The following PITRM1 variants were observed in gnomAD, a reference collection of about 807,000 sequenced individuals.
PITRM1 encodes the protein pitrilysin metallopeptidase 1, also known as presequence protease, mitochondrial.
Under a neutral mutation model 129.9 loss-of-function variants are expected in PITRM1, and 100 were observed. The observed-to-expected ratio is 0.77, with a 90% CI of 0.65 to 0.91. The LOEUF (loss-of-function observed/expected upper bound fraction) is 0.91. Ranked by LOEUF, PITRM1 falls within the 40% of genes least tolerant of loss-of-function variation. The pLI is 0.00. For missense variants in PITRM1, 1,471 were observed against 1,318.3 expected (o/e 1.12, Z -1.79); for synonymous variants, 591 against 508.8 (o/e 1.16, Z -2.17).
chr10:3,143,778 G>A (rs1277539519), intron 22 of PITRM1: 3 of 659,770 alleles, frequency 4.5e-6, no homozygotes, highest in Middle Eastern at 2.4e-4. Flanking sequence ...AACGTATACT[G>A]TTCAATTAAA....
rs900592006 is a variant in PITRM1 at position 3,151,426 on chromosome 10, TCTC to T, written c.1622-66_1622-64del. ...TAATTAAAAGGTTTGATGCAACTTG[TCTC>T]CTATGTTATTATCTTAACATCCAGA... On this transcript the variant is annotated intron_variant, in intron 14 of 26. Transcript: ENST00000224949. 59 of 951,050 alleles carry T rather than the reference TCTC, an allele frequency of 6.2e-5. No individual in the cohort carries two copies. In the African/African-American group the frequency reaches 8.0e-4, roughly 13 times the overall value. The allele number at this position is 951,050 out of a possible 1,614,324, so 58.9% of individuals were successfully genotyped here. A position where few individuals can be genotyped will look rare whatever the true frequency, so the allele number is the denominator to read the frequency against.
chr10:3,153,592 C>G (rs964646915), intron 14 of PITRM1, among the ~76,000 whole-genome samples: 1 of 151,542 alleles, frequency 6.6e-6, no homozygotes, highest in Non-Finnish European at 1.5e-5. Context: ...GCACTCCAGC[C>G]TGGGTGACAA....
intron 26 of PITRM1, 41 bp downstream of exon 26, chr10:3,138,194 G>A (rs1251799400): frequency 6.3e-7 from 1 of 1,581,632 alleles, no homozygotes; most frequent in African/African-American, 1.3e-5. Flanking sequence ...CAGCACGAGG[G>A]CTTCCAGTCC....
intron 6 of PITRM1, among the ~76,000 whole-genome samples, chr10:3,164,773 T>C (rs1470728227): frequency 6.6e-6 from 1 of 152,218 alleles, no homozygotes; most frequent in Non-Finnish European, 1.5e-5. Flanking sequence ...AAAATACTTC[T>C]CATAACAAAG....
At chr10:3,148,854 CA>C (rs1160928059) in intron 16 of PITRM1, 2 of 152,490 alleles carry the variant, frequency 1.3e-5, no homozygotes, top group African/African-American at 2.4e-5. Flanking sequence ...TAAACCGCTA[CA>C]AAAGGATGAA....
Position 3,166,142 on chromosome 10 carries a change from C to G in PITRM1, c.418+87G>C, listed in dbSNP as rs112728675. ...TTCTAGAACATGAATTGCCCACTCC[C>G]CTCATTCCTTCTCAGAAACTAACTG... On this transcript the variant is annotated intron_variant, in intron 4 of 26. Coordinates refer to ENST00000224949, the MANE Select transcript of PITRM1 (RefSeq NM_014889.4). 1,258 of 1,175,520 alleles carry G rather than the reference C, an allele frequency of 1.1e-3. 15 individuals are homozygous for G. In the African/African-American group the frequency reaches 0.018, roughly 16 times the overall value. The allele number at this position is 1,175,520 out of a possible 1,614,324, so 72.8% of individuals were successfully genotyped here. A position where few individuals can be genotyped will look rare whatever the true frequency, so the allele number is the denominator to read the frequency against.
At chr10:3,172,577 G>A (rs1843480807) in intron 1 of PITRM1, 140 bp downstream of exon 1, 3 of 744,318 alleles carry the variant, frequency 4.0e-6, no homozygotes, top group Admixed American at 3.3e-5. Flanking sequence ...TCCAGGAAGG[G>A]CTCGGGGTGC....
At chr10:3,170,900 C>G (rs1209064461) in intron 1 of PITRM1, among the ~76,000 whole-genome samples, 2 of 151,778 alleles carry the variant, frequency 1.3e-5, no homozygotes, top group Non-Finnish European at 2.9e-5. Context: ...GAAGTGGAGG[C>G]TGCAGTGGGC....
At chr10:3,161,764 C>T (rs1379621423) in intron 7 of PITRM1, among the ~76,000 whole-genome samples, 1 of 151,712 alleles carries the variant, frequency 6.6e-6, no homozygotes, top group East Asian at 1.9e-4. Flanking sequence ...GAATAAATTC[C>T]ATCTGATCAC....
chr10:3,160,465 C>T lies in PITRM1; in HGVS notation c.792-135G>A, dbSNP rs1455813514. 6 of 685,832 alleles carry T rather than the reference C, an allele frequency of 8.7e-6. No individual in the cohort carries two copies. In the South Asian group the frequency reaches 9.4e-5, roughly 11 times the overall value. 42.5% of individuals were successfully genotyped at this position (685,832 alleles called of 1,614,324 possible). A position where few individuals can be genotyped will look rare whatever the true frequency, so the allele number is the denominator to read the frequency against. ...CGCCTTTCGGTTTCAGTCACCCTTA[C>T]TCAACCAAGGTCCAAAAATATCACG... On this transcript the variant is annotated intron_variant, in intron 7 of 26. Coordinates refer to ENST00000224949, the MANE Select transcript of PITRM1 (RefSeq NM_014889.4).
rs975672197 is a variant in PITRM1, at chr10:3,141,624, G to A, written c.2646-812C>T. 8 of 468,542 alleles carry A rather than the reference G, an allele frequency of 1.7e-5. No homozygotes were observed. The East Asian group carries it at 2.8e-4, about 16-fold the overall frequency. The allele number at this position is 468,542 out of a possible 1,614,324, so 29.0% of individuals were successfully genotyped here. Reference sequence around the variant, plus strand: ...CTGATTCTAGAACACATCCACCTCCGACAGAAGGCGGGGCAGACAATGATG... The same window carrying A: ...CTGATTCTAGAACACATCCACCTCCAACAGAAGGCGGGGCAGACAATGATG... On this transcript the variant is annotated intron_variant, in intron 23 of 26. Transcript: ENST00000224949.
intron 1 of PITRM1, chr10:3,172,254 A>G (rs1281303165): frequency 4.3e-6 from 2 of 460,092 alleles, no homozygotes; most frequent in Non-Finnish European, 8.7e-6. Context: ...CCATAAATTG[A>G]GTCATTAAAA....
intron 15 of PITRM1, 79 bp downstream of exon 15, chr10:3,151,166 ACT>A (rs1161443590): frequency 2.6e-6 from 2 of 780,866 alleles, no homozygotes; most frequent in East Asian, 2.7e-5. Context: ...CCAAGACATG[ACT>A]CTACTGCTTC....
Position 3,143,399 on chromosome 10 carries a change from C to G in PITRM1, c.2635G>C (p.Asp879His). The G allele has an allele frequency of 1.9e-6, 3 of 1,606,206 alleles. No homozygotes were observed. The highest frequency in any genetic ancestry group is 2.2e-5 in the South Asian group (2 of 90,934). The change falls in exon 23 of 27, where the codon GAT becomes CAT. Residue 879 changes from aspartate (D) to histidine (H), a missense_variant. By Grantham distance (81) the Asp-to-His change is moderately conservative (BLOSUM62 -1). Transcript: ENST00000224949. ...CIRTVPYTDP[D>H]HASLKILARL... ...CCTACACCCTCCTACCTGGCATGAT[C>G]TGGGTCCGTGTAGGGGACAGTTCGG...
At chr10:3,139,163 T>C (rs2131801105) in intron 24 of PITRM1, 114 bp from the exon 25 acceptor site, 1 of 882,784 alleles carries the variant, frequency 1.1e-6, no homozygotes, top group Non-Finnish European at 1.8e-6. Flanking sequence ...CTCTATTTTA[T>C]ATCTGATTTA....
Position 3,166,254 on chromosome 10 carries a change from G to C in PITRM1, c.393C>G (p.Leu131=). The stretch of plus-strand genomic sequence containing the variant: ...CTGTGAAGGCGTTCATGAACGTGGA[G>C]AGGGACCGGTTCAACATTTTGAAGA... The part of the protein sequence containing the change: ...DPFFKMLNRS[L]STFMNAFTAS... The change falls in exon 4 of 27, where the codon CTC becomes CTG. Residue 131 remains leucine, a synonymous_variant. Transcript: ENST00000224949. The C allele has an allele frequency of 1.2e-6, 2 of 1,613,054 alleles. No homozygotes were observed. The highest frequency in any genetic ancestry group is 1.7e-6 in the Non-Finnish European group (2 of 1,179,582).
chr10:3,155,818 T>TG (rs1214629925), intron 13 of PITRM1, 89 bp from the exon 14 acceptor site: 2 of 1,433,442 alleles, frequency 1.4e-6, no homozygotes, highest in Non-Finnish European at 1.9e-6. Flanking sequence ...GGTGTGTTCT[T>TG]GGTCCTGTGG....
rs528433422 is a variant in PITRM1, at chr10:3,160,218, G to A, written c.904C>T (p.Pro302Ser). Residue 302 changes from proline (P) to serine (S), a missense_variant, in exon 8 of 27, where the codon CCC (proline) becomes TCC (serine). By Grantham distance (74) the Pro-to-Ser change is moderately conservative. Transcript: ENST00000224949. ...GGGGCACTCACAGGCTTGTCCCAGGGTGTCTGAGCTGGCACCACGGTGCTT... is the reference window on the plus strand; with the variant it reads ...GGGGCACTCACAGGCTTGTCCCAGGATGTCTGAGCTGGCACCACGGTGCTT... The part of the protein sequence containing the change: ...EPSTVVPAQT[P>S]WDKPREFQIT... The A allele has an allele frequency of 6.2e-7, 1 of 1,613,940 alleles. No individual in the cohort carries two copies. The highest frequency in any genetic ancestry group is 2.2e-5 in the East Asian group (1 of 44,886).
At chr10:3,155,829 T>C (rs1272041499) in intron 13 of PITRM1, 100 bp from the exon 14 acceptor site, 5 of 1,343,050 alleles carry the variant, frequency 3.7e-6, no homozygotes, top group Non-Finnish European at 3.1e-6. Context: ...GGTCCTGTGG[T>C]TCCACTTTCC....
Sources: gnomAD v4.1 joint callset for allele counts (sites outside exome capture counted in the v4.1 genomes callset) on GRCh38, gnomAD v4.1.1 for gene constraint, MANE v1.5 for transcripts, NCBI Gene and HGNC (gene_info 2026-07-23, HGNC 2026-07-21) for gene names.